Variants in INPP5A observed in about 807,000 individuals in gnomAD.
The protein encoded by INPP5A is 43 kDa inositol polyphosphate 5-phophatase.
INPP5A carries 14 observed loss-of-function variants against 65.2 expected under a neutral mutation model. That is an observed-to-expected ratio of 0.21 (90% CI 0.14 to 0.34). The LOEUF is 0.34. INPP5A is among the 10% of genes least tolerant of loss of function. The pLI, the probability that INPP5A is intolerant of heterozygous loss-of-function variation, is 1.00. For synonymous variants in INPP5A, 207 were observed against 208.3 expected, an observed-to-expected ratio of 0.99 and a Z score of 0.05; for missense variants, 431 against 545.6, an observed-to-expected ratio of 0.79 and a Z score of 2.09.
At chr10:132,648,046 A>C (rs1338212785) in intron 3 of INPP5A, among the ~76,000 whole-genome samples, 1 of 152,252 alleles carries the variant, frequency 6.6e-6, no homozygotes, top group East Asian at 1.9e-4. Context: ...GTCACTCAAA[A>C]CAAAATCAAA....
intron 12 of INPP5A, among the ~76,000 whole-genome samples, chr10:132,769,530 C>T (rs1007832532): frequency 4.6e-5 from 7 of 152,054 alleles, no homozygotes; most frequent in African/African-American, 1.2e-4. Flanking sequence ...TCGGGTGTGA[C>T]GTGTTAAAGC....
chr10:132,635,557 G>A (rs2072336669), intron 2 of INPP5A, among the ~76,000 whole-genome samples: 3 of 151,246 alleles, frequency 2.0e-5, no homozygotes, highest in Admixed American at 6.6e-5. Context: ...CACCATGCCC[G>A]GCTAATTTTT....
chr10:132,696,988 C>T (rs1265876375), intron 5 of INPP5A, among the ~76,000 whole-genome samples: 1 of 152,244 alleles, frequency 6.6e-6, no homozygotes, highest in East Asian at 1.9e-4. Flanking sequence ...GATAATACCC[C>T]AGAAACTGCA....
chr10:132,692,217 G>T (rs991977935), intron 5 of INPP5A, among the ~76,000 whole-genome samples: 1 of 152,140 alleles, frequency 6.6e-6, no homozygotes, highest in African/African-American at 2.4e-5. Flanking sequence ...CGAGCTGGAA[G>T]GTGTTAGAAA....
At chr10:132,723,826 T>A (rs112762895) in intron 8 of INPP5A, among the ~76,000 whole-genome samples, 12,347 of 151,834 alleles carry the variant, frequency 0.081, 992 homozygotes, top group African/African-American at 0.21. Context: ...TCTCCTGGGG[T>A]CTCGGAGCAC....
At chr10:132,690,975 C>T (rs1025209318) in intron 5 of INPP5A, among the ~76,000 whole-genome samples, 2 of 152,134 alleles carry the variant, frequency 1.3e-5, no homozygotes, top group African/African-American at 4.8e-5. Context: ...TCCACACGGC[C>T]TGGGGGTGTT....
intron 4 of INPP5A, among the ~76,000 whole-genome samples, chr10:132,672,170 T>A (rs1240808799): frequency 6.6e-6 from 1 of 152,266 alleles, no homozygotes; most frequent in Non-Finnish European, 1.5e-5. Context: ...TATACACTTG[T>A]ACTAAGAAAA....
chr10:132,560,923 A>G (rs1295091273), intron 1 of INPP5A, among the ~76,000 whole-genome samples: 2 of 150,362 alleles, frequency 1.3e-5, no homozygotes, highest in Non-Finnish European at 3.0e-5. Flanking sequence ...TTTTTTTTTA[A>G]TTGTTGAGTT....
Position 132,663,783 on chromosome 10 carries a change from G to A in INPP5A, c.306+13278G>A, listed in dbSNP as rs1472603837. Among the ~76,000 whole-genome samples, 2 of 152,182 alleles carry A rather than the reference G, an allele frequency of 1.3e-5. No individual in the cohort carries two copies. The highest frequency in any genetic ancestry group is 4.8e-5 in the African/African-American group (2 of 41,426). ...TCTGTGAGCAGATTCGCCCCTAGGG[G>A]TGAAGTCATCTCGCTCCTCTTCTGA... On this transcript the variant is annotated intron_variant, in intron 4 of 15. Transcript: ENST00000368594. The surrounding 1 kb of genome is among the most constrained non-coding windows in gnomAD (Gnocchi z 4.5).
chr10:132,664,005 GT>G (rs903591013), intron 4 of INPP5A, among the ~76,000 whole-genome samples: 47 of 152,250 alleles, frequency 3.1e-4, no homozygotes, highest in African/African-American at 1.1e-3. Flanking sequence ...AAAGGTATTG[GT>G]GAACGAACTG....
chr10:132,590,374 T>C (rs924581858), intron 1 of INPP5A, among the ~76,000 whole-genome samples: 1 of 152,140 alleles, frequency 6.6e-6, no homozygotes, highest in Non-Finnish European at 1.5e-5. Context: ...TCCCCCACAC[T>C]GTCCGCGCTA....
chr10:132,553,369 G>A (rs543347238), intron 1 of INPP5A, among the ~76,000 whole-genome samples: 1 of 144,936 alleles, frequency 6.9e-6, no homozygotes, highest in Admixed American at 6.8e-5. Flanking sequence ...GGATAGGGAG[G>A]GAGGACTGGT....
chr10:132,669,053 G>A (rs1447589666), intron 4 of INPP5A, among the ~76,000 whole-genome samples: 1 of 152,124 alleles, frequency 6.6e-6, no homozygotes, highest in African/African-American at 2.4e-5. Flanking sequence ...AGGAGATAGA[G>A]ACCATTCTGC....
At chr10:132,608,681 G>T (rs564576422) in intron 2 of INPP5A, among the ~76,000 whole-genome samples, 24 of 152,352 alleles carry the variant, frequency 1.6e-4, no homozygotes, top group African/African-American at 5.8e-4. Flanking sequence ...GGCCAGGCTC[G>T]GCTCCAGGGG....
intron 9 of INPP5A, among the ~76,000 whole-genome samples, chr10:132,736,524 GAC>G (rs1846179403): frequency 3.9e-5 from 6 of 152,206 alleles, no homozygotes; most frequent in Admixed American, 3.9e-4. Flanking sequence ...GTCGCAAGGA[GAC>G]ACCCCGAGAG....
At position 132,675,469 on chromosome 10, in the gene INPP5A, T is replaced by C. The variant is rs2072950454; in HGVS notation, c.307-14923T>C. Among the ~76,000 whole-genome samples the C allele has an allele frequency of 6.6e-6, 1 of 152,170 alleles. No homozygotes were observed. The highest frequency in any genetic ancestry group is 2.4e-5 in the African/African-American group (1 of 41,434). On this transcript the variant is annotated intron_variant, in intron 4 of 15. Coordinates refer to ENST00000368594, the MANE Select transcript of INPP5A (RefSeq NM_005539.5). The surrounding 1 kb of genome is among the most constrained non-coding windows in gnomAD (Gnocchi z 4.2). ...GTTGGGGGAAGCGGGCAAATGGCCA[T>C]GGGCATTGGTTGTGTAAACCGAGGC...
chr10:132,743,245 C>T (rs1846307608), intron 9 of INPP5A, among the ~76,000 whole-genome samples: 1 of 139,428 alleles, frequency 7.2e-6, no homozygotes, highest in Admixed American at 7.0e-5. Flanking sequence ...TGAGGGCAGC[C>T]CACCCACCAG....
In INPP5A at chr10:132,678,171, T is replaced by C. The variant is rs112042027; in HGVS notation, c.307-12221T>C. Among the ~76,000 whole-genome samples, 1,417 of 152,260 alleles carry C rather than the reference T, an allele frequency of 9.3e-3. 20 individuals carry two copies. The highest frequency in any genetic ancestry group is 0.033 in the African/African-American group (1,351 of 41,562). Reference sequence around the variant, plus strand: ...CATTTTGTGGTGGTCACGGAGCTCCTCTGAGAGCGGACGGTCACAGCCCCC... The same window carrying C: ...CATTTTGTGGTGGTCACGGAGCTCCCCTGAGAGCGGACGGTCACAGCCCCC... On this transcript the variant is annotated intron_variant, in intron 4 of 15. Coordinates refer to ENST00000368594, the MANE Select transcript of INPP5A (RefSeq NM_005539.5). The surrounding 1 kb of genome is among the most constrained non-coding windows in gnomAD (Gnocchi z 4.1).
rs189246144 is a variant in INPP5A at position 132,740,829 on chromosome 10, G to A, written c.733-8688G>A. 7.4e-4 allele frequency among the ~76,000 whole-genome samples: 113 copies of A among 152,238 alleles called. 2 individuals are homozygous for A. The highest frequency in any genetic ancestry group is 4.8e-3 in the East Asian group (25 of 5,174). On this transcript the variant is annotated intron_variant, in intron 9 of 15. Transcript: ENST00000368594. ...TTTCCCAGTGAGAGCCACTCGCAGG[G>A]TCCACATCGTTCACCCCCAGCATTC...
Sources: allele counts gnomAD v4.1 joint callset (sites outside exome capture counted in the v4.1 genomes callset), GRCh38; gene constraint gnomAD v4.1.1; non-coding constraint Gnocchi (gnomAD v3.1); transcripts MANE v1.5; gene names NCBI Gene and HGNC (gene_info 2026-07-23, HGNC 2026-07-21).